MLC1: variants seen among roughly 807,000 people sequenced by gnomAD.
The protein encoded by MLC1 is modulator of VRAC current 1.
A neutral mutation model predicts 44.7 loss-of-function variants in MLC1; 32 were observed. That is an observed-to-expected ratio of 0.72 (90% confidence interval 0.54 to 0.96). MLC1 has a LOEUF of 0.96. Among genes scored for constraint, MLC1 ranks in the 40% least tolerant of loss-of-function variants. The pLI is 0.00. For missense variants in MLC1, 459 were observed against 492.2 expected (o/e 0.93, Z 0.64); for synonymous variants, 190 against 213.0 (o/e 0.89, Z 0.94).
chr22:50,068,114 C>T (rs1014931862), intron 10 of MLC1, among the ~76,000 whole-genome samples: 3 of 152,216 alleles, frequency 2.0e-5, no homozygotes, highest in African/African-American at 4.8e-5. Flanking sequence ...AAACTCAATG[C>T]AGTTCTGATG....
In MLC1 at chr22:50,070,468, G is replaced by T. The variant is rs2076135; in HGVS notation, c.771+59C>A. The stretch of plus-strand genomic sequence containing the variant: ...TCACATGGCACCAAGGGAGGGCTAG[G>T]CCAGGCCCTGGCCCCGCTCGGTGGG... On this transcript the variant is annotated intron_variant, in intron 9 of 11. Coordinates refer to ENST00000311597, the MANE Select transcript of MLC1 (RefSeq NM_015166.4). 0.15 allele frequency: 218,082 copies of T among 1,483,574 alleles called. 16,894 individuals are homozygous for T. Among genetic ancestry groups the T allele is most frequent in the South Asian group, 0.22 (18,482 of 82,668 alleles). 91.9% of individuals were successfully genotyped at this position (1,483,574 alleles called of 1,614,324 possible).
intron 10 of MLC1, 66 bp downstream of exon 10, chr22:50,068,367 G>A: frequency 6.3e-7 from 1 of 1,595,640 alleles, no homozygotes; most frequent in African/African-American, 1.3e-5. Flanking sequence ...GGCAAAGCCA[G>A]CAAGGGCCAG....
At chr22:50,063,373 T>G (rs2061611819) in intron 11 of MLC1, among the ~76,000 whole-genome samples, 1 of 148,158 alleles carries the variant, frequency 6.7e-6, no homozygotes, top group African/African-American at 2.5e-5. Context: ...CTCGGGAGGC[T>G]GAGGCAGGAG....
Position 50,061,243 on chromosome 22 carries a change from A to T in MLC1, c.*340T>A. 2.5e-6 allele frequency: 1 copy of T among 406,310 alleles called. No individual in the cohort carries two copies. Among genetic ancestry groups the T allele is most frequent in the East Asian group, 5.5e-5 (1 of 18,058 alleles). 25.2% of individuals were successfully genotyped at this position (406,310 alleles called of 1,614,324 possible). Reference sequence around the variant, plus strand: ...AGAGCCCACTCCAGCCCAAGCCATGAGAGAGGCAGGAAGAGGAGCTGGGGC... The same window carrying T: ...AGAGCCCACTCCAGCCCAAGCCATGTGAGAGGCAGGAAGAGGAGCTGGGGC... On this transcript the variant is annotated 3_prime_UTR_variant, in exon 12 of 12. Coordinates refer to ENST00000311597, the MANE Select transcript of MLC1 (RefSeq NM_015166.4).
rs546709060 is a variant in MLC1 at position 50,083,413 on chromosome 22, C to T, written c.178-240G>A. Among the ~76,000 whole-genome samples the T allele has an allele frequency of 2.0e-5, 3 of 152,112 alleles. No homozygotes were observed. The highest frequency in any genetic ancestry group is 4.4e-5 in the Non-Finnish European group (3 of 68,020). ...GCCATGTCGGAGCATGGACCCCCCA[C>T]GCTGTTATCTGGAGGAGAGAAGAAA... On this transcript the variant is annotated intron_variant, in intron 2 of 11. Transcript: ENST00000311597. This position sits in a 1 kb window ranked among gnomAD's most constrained non-coding sequence, Gnocchi z 4.6.
intron 11 of MLC1, among the ~76,000 whole-genome samples, chr22:50,062,772 A>G (rs2061599562): frequency 6.6e-6 from 1 of 152,360 alleles, no homozygotes; most frequent in African/African-American, 2.4e-5. Flanking sequence ...TTGGGCATCA[A>G]GGTGACAGTC....
At chr22:50,062,231 A>T (rs1601960953) in intron 11 of MLC1, among the ~76,000 whole-genome samples, 1 of 81,962 alleles carries the variant, frequency 1.2e-5, no homozygotes, top group Admixed American at 1.5e-4. Context: ...CCAGCCGCCC[A>T]CCCTGAGCCC....
chr22:50,071,877 G>A (rs1185403017), intron 8 of MLC1, among the ~76,000 whole-genome samples: 1 of 152,230 alleles, frequency 6.6e-6, no homozygotes, highest in Admixed American at 6.5e-5. Flanking sequence ...CTGCTGGGGA[G>A]GGGGCTGCAT....
chr22:50,079,728 C>A (rs1295025270), intron 5 of MLC1, among the ~76,000 whole-genome samples, 190 bp downstream of exon 5: 2 of 151,910 alleles, frequency 1.3e-5, no homozygotes, highest in Non-Finnish European at 2.9e-5. Flanking sequence ...AAATCTGTCC[C>A]GCAGAATCAC....
rs2146932553 is a variant in MLC1 at position 50,083,075 on chromosome 22, G to A, written c.267+9C>T. 5.0e-6 allele frequency: 8 copies of A among 1,613,676 alleles called. No individual in the cohort carries two copies. The highest frequency in any genetic ancestry group is 6.8e-6 in the Non-Finnish European group (8 of 1,179,730). ...GGGCACTGGCAGAGGCGTGGAGGAA[G>A]CTGCTTACAGAGCCTGCAGCACAGC... On this transcript the variant is annotated intron_variant, in intron 3 of 11. Transcript: ENST00000311597. This position sits in a 1 kb window ranked among gnomAD's most constrained non-coding sequence, Gnocchi z 4.6.
intron 3 of MLC1, among the ~76,000 whole-genome samples, chr22:50,080,661 A>G (rs560486702): frequency 5.9e-5 from 9 of 152,250 alleles, no homozygotes; most frequent in Non-Finnish European, 1.2e-4. Flanking sequence ...CAGCTTCCCA[A>G]AGCCCTGCGA....
chr22:50,075,267 G>C (rs927069349), intron 7 of MLC1, among the ~76,000 whole-genome samples: 1 of 152,152 alleles, frequency 6.6e-6, no homozygotes, highest in Non-Finnish European at 1.5e-5. Flanking sequence ...ACCTGCTCCC[G>C]TGAAGGATCT....
chr22:50,081,058 A>AAAGAAAGAAAGAAAGAAAGT (rs57892256), intron 3 of MLC1, among the ~76,000 whole-genome samples: 2 of 151,498 alleles, frequency 1.3e-5, no homozygotes, highest in Non-Finnish European at 2.9e-5. Context: ...AGAAAGAAAG[A>AAAGAAAGAAAGAAAGAAAGT]GGAGGTCTGG....
At chr22:50,064,311 G>A (rs1167100092) in intron 10 of MLC1, 113 bp from the exon 11 acceptor site, 19 of 1,303,454 alleles carry the variant, frequency 1.5e-5, no homozygotes, top group East Asian at 2.5e-5. Context: ...GGCTCGAGTC[G>A]GAGCCCCAGT....
At chr22:50,080,682 G>A (rs1439495800) in intron 3 of MLC1, among the ~76,000 whole-genome samples, 2 of 152,138 alleles carry the variant, frequency 1.3e-5, no homozygotes, top group East Asian at 1.9e-4. Context: ...TTACAGGCAT[G>A]AGCCGCTGCG....
chr22:50,082,700 C>T (rs560800420), intron 3 of MLC1, among the ~76,000 whole-genome samples: 1 of 152,154 alleles, frequency 6.6e-6, no homozygotes, highest in Non-Finnish European at 1.5e-5. Context: ...GTTTCACTCT[C>T]ATTGCCCAGG....
intron 11 of MLC1, among the ~76,000 whole-genome samples, chr22:50,062,740 C>T (rs1049953690): frequency 2.6e-5 from 4 of 152,240 alleles, no homozygotes; most frequent in Admixed American, 1.3e-4. Flanking sequence ...CTCAGAGCCC[C>T]GCTGAGTGGC....
Position 50,064,044 on chromosome 22 carries a change from A to T in MLC1, c.1049T>A (p.Leu350Gln), listed in dbSNP as rs766199921. 9.6e-6 allele frequency: 15 copies of T among 1,555,874 alleles called. 1 individual carries two copies. In the South Asian group the frequency reaches 1.7e-4, roughly 18 times the overall value. ...WDTQNGPQERLAGEVARSPLK... is the reference protein window; with the variant it reads ...WDTQNGPQERQAGEVARSPLK... The stretch of plus-strand genomic sequence containing the variant: ...CTGCAGGCCACTCACCTCCCCAGCC[A>T]GGCGCTCCTGCGGGCCGTTCTGGGT... The change falls in exon 11 of 12, where the codon CTG (leucine) becomes CAG (glutamine). Residue 350 changes from leucine (L) to glutamine (Q), a missense_variant. Coordinates refer to ENST00000311597, the MANE Select transcript of MLC1 (RefSeq NM_015166.4).
At chr22:50,070,449 G>A (rs1018217273) in intron 9 of MLC1, 78 bp downstream of exon 9, 7 of 1,338,270 alleles carry the variant, frequency 5.2e-6, no homozygotes, top group African/African-American at 4.4e-5. Flanking sequence ...CTGGTCACAT[G>A]GCACCAAGGG....
Sources: gnomAD v4.1 joint callset for allele counts (sites outside exome capture counted in the v4.1 genomes callset) on GRCh38, gnomAD v4.1.1 for gene constraint, Gnocchi (gnomAD v3.1) non-coding constraint, MANE v1.5 for transcripts, NCBI Gene and HGNC (gene_info 2026-07-23, HGNC 2026-07-21) for gene names.